HDAC9: variants seen among roughly 807,000 people sequenced by gnomAD.
HDAC9 encodes MEF-2 interacting transcription repressor (MITR) protein.
A neutral mutation model predicts 139.4 loss-of-function variants in HDAC9; 41 were observed. The observed-to-expected ratio is 0.29, with a 90% CI of 0.23 to 0.38. The LOEUF is 0.38. Among genes scored for constraint, HDAC9 ranks in the 10% least tolerant of loss-of-function variants. The probability of loss-of-function intolerance (pLI) is 1.00; values close to 1 mark genes in which losing one functional copy is unlikely to be tolerated. For synonymous variants in HDAC9, 517 were observed against 476.2 expected, an observed-to-expected ratio of 1.09 and a Z score of -1.12; for missense variants, 1,147 against 1,297.0, an observed-to-expected ratio of 0.88 and a Z score of 1.78.
intron 1 of HDAC9, among the ~76,000 whole-genome samples, chr7:18,377,404 A>G (rs1381264520): frequency 6.6e-6 from 1 of 152,196 alleles, no homozygotes; most frequent in Non-Finnish European, 1.5e-5. Context: ...CATAAGTTTT[A>G]TGTACAAAAT....
chr7:18,285,509 A>G (rs1303053867), upstream of HDAC9, among the ~76,000 whole-genome samples: 1 of 152,030 alleles, frequency 6.6e-6, no homozygotes, highest in Non-Finnish European at 1.5e-5. Context: ...ACTCTTAAGG[A>G]GTGTGAACGT....
rs142397865 is a variant in HDAC9 at position 18,247,581 on chromosome 7, C to G, written c.25+85232C>G. Among the ~76,000 whole-genome samples the G allele has an allele frequency of 3.9e-5, 6 of 152,200 alleles. 1 individual carries two copies. Among genetic ancestry groups the G allele is most frequent in the Non-Finnish European group, 5.9e-5 (4 of 68,010 alleles). ...TGAGTAGGGACAAATATTTGGAAGA[C>G]TTTCTCATAAAAGCTGAAAAAAATG... On this transcript the variant is annotated intron_variant, in intron 2 of 12. Coordinates refer to the HDAC9 transcript ENST00000417496.
chr7:18,160,864 C>T (rs1274684337), intron 1 of HDAC9, among the ~76,000 whole-genome samples: 1 of 152,094 alleles, frequency 6.6e-6, no homozygotes, highest in African/African-American at 2.4e-5. Context: ...GTGATGCACC[C>T]ACCTTGGTCT....
At chr7:18,707,843 G>A (rs1360945179) in intron 12 of HDAC9, among the ~76,000 whole-genome samples, 1 of 140,764 alleles carries the variant, frequency 7.1e-6, no homozygotes, top group Non-Finnish European at 1.5e-5. Context: ...GGAACACAGG[G>A]AGGGGAAAGG....
chr7:18,460,411 A>C (rs146630783), intron 1 of HDAC9, among the ~76,000 whole-genome samples: 1 of 152,116 alleles, frequency 6.6e-6, no homozygotes, highest in Non-Finnish European at 1.5e-5. Flanking sequence ...ATTATGGTAA[A>C]TAGCAACTGC....
chr7:18,899,931 TA>T (rs1801544647), intron 22 of HDAC9, among the ~76,000 whole-genome samples: 1 of 152,114 alleles, frequency 6.6e-6, no homozygotes, highest in Non-Finnish European at 1.5e-5. Context: ...TTTTCTGAAA[TA>T]AAGTGTTGTT....
rs1394413874 is a variant in HDAC9, at chr7:18,996,923, G to A, written c.*861G>A. 1 of 152,112 alleles carries A rather than the reference G, an allele frequency of 6.6e-6. No homozygotes were observed. The highest frequency in any genetic ancestry group is 1.5e-5 in the Non-Finnish European group (1 of 68,038). The allele number at this position is 152,112 out of a possible 1,614,324, so 9.4% of individuals were successfully genotyped here. ...CAAGCATTTTCAGTGTCTTTGAAAAGCACGTAACTTTTCAAAGGTGGTCTT... is the reference window on the plus strand; with the variant it reads ...CAAGCATTTTCAGTGTCTTTGAAAAACACGTAACTTTTCAAAGGTGGTCTT... On this transcript the variant is annotated 3_prime_UTR_variant, in exon 26 of 26. Coordinates refer to ENST00000686413, the MANE Select transcript of HDAC9 (RefSeq NM_178425.4).
chr7:18,907,189 G>C (rs889967641), intron 22 of HDAC9, among the ~76,000 whole-genome samples: 2 of 152,246 alleles, frequency 1.3e-5, no homozygotes, highest in African/African-American at 4.8e-5. Flanking sequence ...ATGGAAAGGT[G>C]TATTTTTTCT....
chr7:18,608,446 T>G (rs1334806349), intron 6 of HDAC9, among the ~76,000 whole-genome samples: 2 of 152,160 alleles, frequency 1.3e-5, no homozygotes, highest in African/African-American at 2.4e-5. Flanking sequence ...TTTTAGCCTC[T>G]TATTTGCATT....
intron 25 of HDAC9, among the ~76,000 whole-genome samples, chr7:18,986,897 T>C (rs1168857158): frequency 6.6e-6 from 1 of 152,208 alleles, no homozygotes; most frequent in Admixed American, 6.5e-5. Flanking sequence ...AGAATGCTTG[T>C]GATTTTTGTA....
chr7:18,709,763 C>A (rs1165154877), intron 12 of HDAC9, among the ~76,000 whole-genome samples: 1 of 152,138 alleles, frequency 6.6e-6, no homozygotes, highest in African/African-American at 2.4e-5. Flanking sequence ...CTGTGTTGTC[C>A]TGGCCTCAAG....
chr7:18,675,831 T>TGG (rs1781467941), intron 12 of HDAC9, among the ~76,000 whole-genome samples: 1 of 151,986 alleles, frequency 6.6e-6, no homozygotes, highest in Admixed American at 6.6e-5. Flanking sequence ...GAATGTTCTT[T>TGG]GGGAGACCCT....
At chr7:18,270,727 A>T (rs1443986615) in intron 2 of HDAC9, among the ~76,000 whole-genome samples, 1 of 152,186 alleles carries the variant, frequency 6.6e-6, no homozygotes, top group African/African-American at 2.4e-5. Flanking sequence ...TAGTATGATT[A>T]CATTTTATGT....
intron 1 of HDAC9, among the ~76,000 whole-genome samples, chr7:18,443,625 T>A (rs1469992167): frequency 6.6e-6 from 1 of 152,204 alleles, no homozygotes; most frequent in Admixed American, 6.5e-5. Flanking sequence ...AGACATCTTA[T>A]ATATGAATAT....
chr7:18,814,475 G>T (rs1794419109), intron 17 of HDAC9, among the ~76,000 whole-genome samples: 1 of 151,988 alleles, frequency 6.6e-6, no homozygotes, highest in South Asian at 2.1e-4. Context: ...ACATTGTTTG[G>T]CTTTTTTGAT....
intron 2 of HDAC9, among the ~76,000 whole-genome samples, chr7:18,262,569 T>A (rs1311534325): frequency 1.3e-5 from 2 of 152,284 alleles, no homozygotes; most frequent in Non-Finnish European, 2.9e-5. Flanking sequence ...GGTAACTGCA[T>A]AGGTAAATAT....
chr7:18,546,363 G>A (rs547905159), intron 2 of HDAC9, among the ~76,000 whole-genome samples: 2 of 152,234 alleles, frequency 1.3e-5, no homozygotes, highest in South Asian at 2.1e-4. Context: ...CAAGGCATAA[G>A]GTTTCTTTGA....
At chr7:18,578,027 C>G (rs1414102100) in intron 2 of HDAC9, 1 of 431,754 alleles carries the variant, frequency 2.3e-6, no homozygotes, top group Non-Finnish European at 4.7e-6. Flanking sequence ...ACCTCCATCT[C>G]TATCTCCATC....
chr7:18,834,043 T>G (rs1796049117), intron 19 of HDAC9, among the ~76,000 whole-genome samples: 1 of 152,194 alleles, frequency 6.6e-6, no homozygotes, highest in Admixed American at 6.5e-5. Flanking sequence ...AGGAAGTAGA[T>G]TCAAGACCCA....
Sources: gnomAD v4.1 joint callset for allele counts (sites outside exome capture counted in the v4.1 genomes callset) on GRCh38, gnomAD v4.1.1 for gene constraint, MANE v1.5 for transcripts, NCBI Gene and HGNC (gene_info 2026-07-23, HGNC 2026-07-21) for gene names.